The following PIK3C2A variants were observed in gnomAD, a reference collection of about 807,000 sequenced individuals.
PIK3C2A encodes the protein phosphatidylinositol 4-phosphate 3-kinase C2 domain-containing subunit alpha.
PIK3C2A carries 97 observed loss-of-function variants against 204.5 expected under a neutral mutation model. The observed-to-expected ratio is 0.47, with a 90% CI of 0.40 to 0.56. The LOEUF (loss-of-function observed/expected upper bound fraction) is 0.56. Ranked by LOEUF, PIK3C2A falls within the 20% of genes least tolerant of loss-of-function variation. The probability of loss-of-function intolerance (pLI) is 0.00; values close to 1 mark genes in which losing one functional copy is unlikely to be tolerated. For missense variants in PIK3C2A, 1,735 were observed against 1,969.2 expected, an observed-to-expected ratio of 0.88 and a Z score of 2.25; for synonymous variants, 653 against 664.4, an observed-to-expected ratio of 0.98 and a Z score of 0.26.
At chr11:17,176,244 T>C (rs1369877582) in intron 1 of PIK3C2A, among the ~76,000 whole-genome samples, 3 of 151,544 alleles carry the variant, frequency 2.0e-5, no homozygotes, top group African/African-American at 4.9e-5. Context: ...TGACCTCAGG[T>C]GATCCACCCG....
chr11:17,168,171 C>T (rs984682263), intron 2 of PIK3C2A, among the ~76,000 whole-genome samples: 1 of 152,132 alleles, frequency 6.6e-6, no homozygotes, highest in African/African-American at 2.4e-5. Flanking sequence ...ATATTAATAG[C>T]AAGCAATTTT....
Position 17,129,289 on chromosome 11 carries a change from G to T in PIK3C2A, c.2399+11C>A. 1 of 1,609,706 alleles carries T rather than the reference G, an allele frequency of 6.2e-7. No individual in the cohort carries two copies. The highest frequency in any genetic ancestry group is 1.1e-5 in the South Asian group (1 of 90,982). On this transcript the variant is annotated intron_variant, in intron 13 of 32. Coordinates refer to ENST00000691414, the MANE Select transcript of PIK3C2A (RefSeq NM_002645.4). ...CACAGTGACTCACCATTACAATTCG[G>T]TAATACTTACCGTTTAAAGTCAAAA... is the stretch of plus-strand genomic sequence containing the variant.
intron 32 of PIK3C2A, among the ~76,000 whole-genome samples, chr11:17,090,452 A>G (rs988767681): frequency 6.6e-6 from 1 of 152,198 alleles, no homozygotes; most frequent in African/African-American, 2.4e-5. Context: ...GGGTAACAAC[A>G]GCGAAACTCT....
At chr11:17,097,300 G>T in intron 26 of PIK3C2A, 36 bp from the exon 27 acceptor site, 2 of 1,260,240 alleles carry the variant, frequency 1.6e-6, no homozygotes, top group South Asian at 1.2e-5. Flanking sequence ...AACAGTAAAT[G>T]AGAACACATG....
At chr11:17,117,114 T>C (rs540443471) in intron 19 of PIK3C2A, among the ~76,000 whole-genome samples, 20 of 152,250 alleles carry the variant, frequency 1.3e-4, no homozygotes, top group East Asian at 5.8e-4. Context: ...TATAGAAGTA[T>C]AGACGTATCC....
chr11:17,200,949 T>C (rs1852350770), intron 1 of PIK3C2A, among the ~76,000 whole-genome samples: 1 of 152,218 alleles, frequency 6.6e-6, no homozygotes, highest in Admixed American at 6.5e-5. Context: ...CTCATGCCTG[T>C]AATCCCAGCA....
chr11:17,151,684 A>G (rs1850431655), intron 3 of PIK3C2A, among the ~76,000 whole-genome samples: 1 of 152,132 alleles, frequency 6.6e-6, no homozygotes, highest in African/African-American at 2.4e-5. Flanking sequence ...ACTACTACTT[A>G]CCTGATAGGG....
rs1848478031 is a variant in PIK3C2A at position 17,097,135 on chromosome 11, G to A, written c.4248C>T (p.Tyr1416=). The change falls in exon 27 of 33, where the codon TAC becomes TAT. Residue 1416 remains tyrosine (Y), a synonymous_variant. Transcript: ENST00000691414. ...EPILSFSPKT[Y]SFRQDGRIKE... ...TGATTCGACCATCTTGTCTAAAGGA[G>A]TATGTTTTAGGTGAAAATGAAAGGA... The A allele has an allele frequency of 6.2e-7, 1 of 1,608,986 alleles. No individual in the cohort carries two copies. The highest frequency in any genetic ancestry group is 8.5e-7 in the Non-Finnish European group (1 of 1,175,354).
intron 22 of PIK3C2A, among the ~76,000 whole-genome samples, chr11:17,107,396 G>A (rs1848860341): frequency 1.3e-5 from 2 of 152,168 alleles, no homozygotes; most frequent in African/African-American, 4.8e-5. Flanking sequence ...GAGGAATTAT[G>A]TGCTTTGATA....
At chr11:17,145,074 G>C (rs942886072) in intron 8 of PIK3C2A, among the ~76,000 whole-genome samples, 2 of 152,048 alleles carry the variant, frequency 1.3e-5, no homozygotes, top group African/African-American at 4.8e-5. Flanking sequence ...ACTTGCTTTT[G>C]ATTTTACAGG....
At chr11:17,159,862 T>C (rs1850718705) in intron 2 of PIK3C2A, among the ~76,000 whole-genome samples, 1 of 152,166 alleles carries the variant, frequency 6.6e-6, no homozygotes, top group Non-Finnish European at 1.5e-5. Context: ...TCTGTTTTAG[T>C]CCAAAGGTAG....
chr11:17,159,878 A>G (rs954127656), intron 2 of PIK3C2A, among the ~76,000 whole-genome samples: 11 of 152,166 alleles, frequency 7.2e-5, no homozygotes, highest in African/African-American at 2.7e-4. Context: ...GGTAGGAAAA[A>G]AATTGATGTT....
intron 23 of PIK3C2A, among the ~76,000 whole-genome samples, chr11:17,103,540 C>T: frequency 6.6e-6 from 1 of 152,126 alleles, no homozygotes. Flanking sequence ...CCCCAGAAAT[C>T]ATTACCAATG....
intron 22 of PIK3C2A, among the ~76,000 whole-genome samples, chr11:17,108,556 C>A (rs1159254197): frequency 6.6e-6 from 1 of 152,086 alleles, no homozygotes; most frequent in Non-Finnish European, 1.5e-5. Context: ...TTTGAGGCTG[C>A]AGTGAGCTAT....
At chr11:17,103,368 C>T (rs1161715931) in intron 23 of PIK3C2A, among the ~76,000 whole-genome samples, 1 of 152,020 alleles carries the variant, frequency 6.6e-6, no homozygotes, top group Non-Finnish European at 1.5e-5. Flanking sequence ...ATTAAAATTA[C>T]TAATATAATA....
intron 8 of PIK3C2A, among the ~76,000 whole-genome samples, 186 bp from the exon 9 acceptor site, chr11:17,136,811 G>A (rs61762007): frequency 1.4e-4 from 22 of 152,206 alleles, no homozygotes; most frequent in African/African-American, 3.6e-4. Flanking sequence ...AGGCAAGGCC[G>A]GGTTAATTTT....
At chr11:17,160,025 A>G (rs1309608106) in intron 2 of PIK3C2A, among the ~76,000 whole-genome samples, 1 of 152,200 alleles carries the variant, frequency 6.6e-6, no homozygotes, top group Non-Finnish European at 1.5e-5. Flanking sequence ...CAATTCAAAC[A>G]TTAATCTGAC....
chr11:17,111,614 C>T (rs569483151), intron 21 of PIK3C2A, among the ~76,000 whole-genome samples: 9 of 152,012 alleles, frequency 5.9e-5, no homozygotes, highest in South Asian at 2.1e-4. Context: ...TGGTGGCTAA[C>T]GCCTGTAATC....
At chr11:17,100,230 T>C (rs1239887774) in intron 25 of PIK3C2A, among the ~76,000 whole-genome samples, 1 of 101,296 alleles carries the variant, frequency 9.9e-6, no homozygotes, top group African/African-American at 3.9e-5. Flanking sequence ...TCCTTTTGTC[T>C]AGGCTCTTTT....
Sources: allele counts gnomAD v4.1 joint callset (sites outside exome capture counted in the v4.1 genomes callset), GRCh38; gene constraint gnomAD v4.1.1; transcripts MANE v1.5; gene names NCBI Gene and HGNC (gene_info 2026-07-23, HGNC 2026-07-21).